The following SYT11 variants were observed in gnomAD, a reference collection of about 807,000 sequenced individuals.
SYT11 encodes synaptotagmin 11.
SYT11 carries 12 observed loss-of-function variants against 30.4 expected under a neutral mutation model. The observed-to-expected ratio is 0.39, with a 90% confidence interval of 0.25 to 0.64. The LOEUF (loss-of-function observed/expected upper bound fraction) is 0.64, where lower values mean the gene tolerates loss of function less well. SYT11 is among the 30% of genes least tolerant of loss of function. The pLI is 0.45. For synonymous variants in SYT11, 204 were observed against 216.0 expected (o/e 0.94, Z 0.49); for missense variants, 412 against 552.0 (o/e 0.75, Z 2.54).
chr1:155,877,203 C>T (rs1277849444), intron 2 of SYT11, among the ~76,000 whole-genome samples: 1 of 152,010 alleles, frequency 6.6e-6, no homozygotes, highest in East Asian at 1.9e-4. Context: ...CTCCTGACCT[C>T]GTGATCCGCC....
At position 155,881,285 on chromosome 1, in the gene SYT11, T is replaced by A; in HGVS notation, c.1073T>A (p.Ile358Asn). 1.9e-6 allele frequency: 3 copies of A among 1,614,144 alleles called. No homozygotes were observed. In the South Asian group the frequency reaches 3.3e-5, roughly 18 times the overall value. ...THVKKCTLNPIFNESFIYDIP... is the reference protein window; with the variant it reads ...THVKKCTLNPNFNESFIYDIP... ...GTGAAGAAGTGCACTTTGAACCCCA[T>A]CTTCAATGAATCTTTCATCTACGAC... Residue 358 changes from isoleucine (I) to asparagine (N), a missense_variant, in exon 4 of 4, where the codon ATC becomes AAC. Coordinates refer to ENST00000368324, the MANE Select transcript of SYT11 (RefSeq NM_152280.5).
intron 1 of SYT11, 30 bp from the exon 2 acceptor site, chr1:155,867,935 C>T (rs780283007): frequency 6.4e-7 from 1 of 1,555,734 alleles, no homozygotes; most frequent in Non-Finnish European, 8.7e-7. Flanking sequence ...AGTCCACCCG[C>T]CCTGACACAT....
At chr1:155,881,144 G>C (rs931139216) in intron 3 of SYT11, 54 bp from the exon 4 acceptor site, 1 of 1,547,656 alleles carries the variant, frequency 6.5e-7, no homozygotes, top group African/African-American at 1.4e-5. Context: ...TTACATAGGA[G>C]AGGACTGTGT....
At chr1:155,873,351 G>A (rs541501673) in intron 2 of SYT11, among the ~76,000 whole-genome samples, 3 of 152,068 alleles carry the variant, frequency 2.0e-5, no homozygotes, top group South Asian at 2.1e-4. Context: ...GCTTGAACCC[G>A]GGAGACAGAG....
At chr1:155,863,612 C>T (rs72706192) in intron 1 of SYT11, among the ~76,000 whole-genome samples, 2,654 of 152,038 alleles carry the variant, frequency 0.017, 40 homozygotes, top group Middle Eastern at 0.031. Flanking sequence ...ATAGTGAAGA[C>T]TCATCTCTAA....
Position 155,881,365 on chromosome 1 carries a change from G to A in SYT11, c.1153G>A (p.Asp385Asn), listed in dbSNP as rs540504685. The A allele has an allele frequency of 5.6e-6, 9 of 1,613,944 alleles. No homozygotes were observed. The African/African-American group carries it at 8.0e-5, about 14-fold the overall frequency. ...CATCGAGTTCCTCGTTATCGACTTC[G>A]ATCGCACCACCAAGAATGAGGTGGT... The part of the protein sequence containing the change: ...ISIEFLVIDF[D>N]RTTKNEVVGR... Residue 385 changes from aspartate to asparagine, a missense_variant, in exon 4 of 4, where the codon GAT (aspartate) becomes AAT (asparagine). Transcript: ENST00000368324.
Position 155,881,588 on chromosome 1 carries a change from C to A in SYT11, c.*80C>A. 1 of 1,346,540 alleles carries A rather than the reference C, an allele frequency of 7.4e-7. No homozygotes were observed. The highest frequency in any genetic ancestry group is 1.0e-6 in the Non-Finnish European group (1 of 990,804). The allele number at this position is 1,346,540 out of a possible 1,614,324, so 83.4% of individuals were successfully genotyped here. ...GGGAAAAAGATGACAGAGAAGTGGA[C>A]TCCAAACCTCATTTTAGTTGTAGAA... On this transcript the variant is annotated 3_prime_UTR_variant, in exon 4 of 4. Coordinates refer to ENST00000368324, the MANE Select transcript of SYT11 (RefSeq NM_152280.5).
chr1:155,881,556 T>A lies in SYT11; in HGVS notation c.*48T>A, dbSNP rs764472290. ...CCCCGGGGGCCAAGCTGGGGAGGGA[T>A]GTGGAGGGGAAAAAGATGACAGAGA... On this transcript the variant is annotated 3_prime_UTR_variant, in exon 4 of 4. Transcript: ENST00000368324. 6.0e-6 allele frequency: 9 copies of A among 1,509,726 alleles called. No individual in the cohort carries two copies. The highest frequency in any genetic ancestry group is 8.0e-6 in the Non-Finnish European group (9 of 1,120,692). 93.5% of individuals were successfully genotyped at this position (1,509,726 alleles called of 1,614,324 possible).
intron 2 of SYT11, among the ~76,000 whole-genome samples, chr1:155,876,450 G>T (rs1164452275): frequency 6.6e-6 from 1 of 151,626 alleles, no homozygotes; most frequent in Non-Finnish European, 1.5e-5. Context: ...GTTTCACCGT[G>T]TTAGCCAGGA....
chr1:155,882,449 G>T lies in SYT11; in HGVS notation c.*941G>T, dbSNP rs1193703503. 1 of 152,332 alleles carries T rather than the reference G, an allele frequency of 6.6e-6. No individual in the cohort carries two copies. The highest frequency in any genetic ancestry group is 1.9e-4 in the East Asian group (1 of 5,330). 9.4% of individuals were successfully genotyped at this position (152,332 alleles called of 1,614,324 possible). ...GAGGCAAGGTTTGCAGGAGAAAGAG[G>T]AATTGAGAAATGGGGTATTTTTGCT... On this transcript the variant is annotated 3_prime_UTR_variant, in exon 4 of 4. Coordinates refer to ENST00000368324, the MANE Select transcript of SYT11 (RefSeq NM_152280.5).
intron 2 of SYT11, among the ~76,000 whole-genome samples, chr1:155,877,738 A>T (rs1381998218): frequency 3.3e-5 from 5 of 151,442 alleles, no homozygotes; most frequent in Non-Finnish European, 7.4e-5. Context: ...GTATTTTTTT[A>T]GTAGATACCA....
chr1:155,870,934 A>G (rs924877807), intron 2 of SYT11, among the ~76,000 whole-genome samples: 2 of 152,116 alleles, frequency 1.3e-5, no homozygotes, highest in African/African-American at 2.4e-5. Flanking sequence ...TATTAGACAC[A>G]TTTGTGATTG....
rs1159304380 is a variant in SYT11 at position 155,884,599 on chromosome 1, AAAGAC to A, written c.*3096_*3100del. The A allele has an allele frequency of 6.5e-6, 1 of 152,820 alleles. No homozygotes were observed. The highest frequency in any genetic ancestry group is 1.9e-4 in the East Asian group (1 of 5,338). 9.5% of individuals were successfully genotyped at this position (152,820 alleles called of 1,614,324 possible). The stretch of plus-strand genomic sequence containing the variant: ...CCTTCTCCTAAGAGTCAGTTGAAAG[AAAGAC>A]AAGAGAGTCACATCTTAGCTTTTGC... On this transcript the variant is annotated 3_prime_UTR_variant, in exon 4 of 4. Transcript: ENST00000368324.
At chr1:155,869,843 G>A (rs1246618710) in intron 2 of SYT11, among the ~76,000 whole-genome samples, 1 of 152,168 alleles carries the variant, frequency 6.6e-6, no homozygotes, top group Non-Finnish European at 1.5e-5. Flanking sequence ...TCCACAACTG[G>A]GGAGGCAGTG....
chr1:155,866,481 G>A, intron 1 of SYT11, among the ~76,000 whole-genome samples: 1 of 152,138 alleles, frequency 6.6e-6, no homozygotes, highest in East Asian at 1.9e-4. Context: ...AGTGCTGAGG[G>A]TACAGCCGTG....
At position 155,860,463 on chromosome 1, in the gene SYT11, TGG is replaced by T. The variant is rs1179355346; in HGVS notation, c.34+672_34+673del. ...CAAATGGCGCTTGGCGCTGCTGGGC[TGG>T]GGGATGACGTGATGTCTATTTCTGG... is the stretch of plus-strand genomic sequence containing the variant. On this transcript the variant is annotated intron_variant, in intron 1 of 3. Transcript: ENST00000368324. This position sits in a 1 kb window ranked among gnomAD's most constrained non-coding sequence, Gnocchi z 4.1. Among the ~76,000 whole-genome samples, 4 of 152,154 alleles carry T rather than the reference TGG, an allele frequency of 2.6e-5. No individual in the cohort carries two copies. The highest frequency in any genetic ancestry group is 7.2e-5 in the African/African-American group (3 of 41,448).
chr1:155,866,796 A>G (rs1304542498), intron 1 of SYT11, among the ~76,000 whole-genome samples: 1 of 152,034 alleles, frequency 6.6e-6, no homozygotes, highest in Non-Finnish European at 1.5e-5. Flanking sequence ...ATTTTCCACT[A>G]ATAGGGAAGA....
At chr1:155,863,936 C>G (rs1451490582) in intron 1 of SYT11, among the ~76,000 whole-genome samples, 1 of 151,696 alleles carries the variant, frequency 6.6e-6, no homozygotes, top group African/African-American at 2.4e-5. Flanking sequence ...AAAAAATTAA[C>G]CAGGCATGAT....
intron 2 of SYT11, among the ~76,000 whole-genome samples, chr1:155,876,964 CTTTTTTTT>C (rs11337901): frequency 8.5e-6 from 1 of 117,012 alleles, no homozygotes; most frequent in East Asian, 2.4e-4. Context: ...TTTTCTATTT[CTTTTTTTT>C]TTTTTTTTTC....
Sources: gnomAD v4.1 joint callset for allele counts (sites outside exome capture counted in the v4.1 genomes callset) on GRCh38, gnomAD v4.1.1 for gene constraint, Gnocchi (gnomAD v3.1) non-coding constraint, MANE v1.5 for transcripts, NCBI Gene and HGNC (gene_info 2026-07-23, HGNC 2026-07-21) for gene names.